The following IRAK4 variants were observed in gnomAD, a reference collection of about 807,000 sequenced individuals.
IRAK4 encodes interleukin 1 receptor associated kinase 4.
A neutral mutation model predicts 51.8 loss-of-function variants in IRAK4; 44 were observed. The observed-to-expected ratio is 0.85, with a 90% CI of 0.67 to 1.09. The LOEUF is 1.09. Among genes scored for constraint, IRAK4 ranks in the 50% least tolerant of loss-of-function variants. IRAK4 has a pLI of 0.00. For missense variants in IRAK4, 487 were observed against 538.0 expected, an observed-to-expected ratio of 0.91 and a Z score of 0.94; for synonymous variants, 149 against 174.1, an observed-to-expected ratio of 0.86 and a Z score of 1.13.
chr12:43,779,041 C>A (rs1385767101), intron 8 of IRAK4, among the ~76,000 whole-genome samples: 1 of 152,058 alleles, frequency 6.6e-6, no homozygotes, highest in Non-Finnish European at 1.5e-5. Context: ...ATAGGAGGAT[C>A]ATTTGAGGCC....
chr12:43,779,261 TA>T (rs906181028), intron 8 of IRAK4, among the ~76,000 whole-genome samples: 14 of 150,728 alleles, frequency 9.3e-5, no homozygotes, highest in Non-Finnish European at 1.9e-4. Context: ...AGACTCTGTC[TA>T]AAAAAAAATG....
intron 1 of IRAK4, among the ~76,000 whole-genome samples, chr12:43,762,841 CTG>C (rs1216857981): frequency 2.0e-5 from 3 of 152,138 alleles, no homozygotes; most frequent in Non-Finnish European, 4.4e-5. Flanking sequence ...ACTTCATTTC[CTG>C]TTTCACAGAA....
intron 2 of IRAK4, among the ~76,000 whole-genome samples, chr12:43,768,767 A>G (rs909872691): frequency 3.3e-5 from 5 of 152,154 alleles, no homozygotes; most frequent in African/African-American, 9.7e-5. Flanking sequence ...CTTAGCTAGG[A>G]TTTCTCAGTG....
At chr12:43,782,189 T>A in intron 8 of IRAK4, 118 bp from the exon 9 acceptor site, 2 of 706,716 alleles carry the variant, frequency 2.8e-6, no homozygotes, top group Non-Finnish European at 5.2e-6. Flanking sequence ...TGTATGTACA[T>A]ATGCATGTAT....
intron 1 of IRAK4, among the ~76,000 whole-genome samples, chr12:43,764,680 C>T (rs1217093299): frequency 2.6e-5 from 4 of 152,142 alleles, no homozygotes; most frequent in Admixed American, 2.0e-4. Flanking sequence ...TAATGATTTC[C>T]AGTTGAAACT....
In IRAK4 at chr12:43,782,305, A is replaced by G. The variant is rs777497218; in HGVS notation, c.942-2A>G. ...TTTCTTCAAACTTTACATTTTTTTC[A>G]GTGCAAATATCTTACTGGATGAAGC... On this transcript the variant is annotated splice_acceptor_variant, in intron 8 of 11. Coordinates refer to ENST00000613694, the MANE Select transcript of IRAK4 (RefSeq NM_016123.4). LOFTEE classifies it high-confidence loss of function. The G allele has an allele frequency of 1.2e-6, 2 of 1,608,594 alleles. No homozygotes were observed. Among genetic ancestry groups the G allele is most frequent in the Non-Finnish European group, 1.7e-6 (2 of 1,175,128 alleles).
At position 43,768,247 on chromosome 12, in the gene IRAK4, G is replaced by A; in HGVS notation, c.136G>A (p.Asp46Asn). Reference protein sequence around the residue: ...AVAIKKPSGDDRYNQFHIRRF... With the variant: ...AVAIKKPSGDNRYNQFHIRRF... ...AGCTATTAAAAAACCATCTGGTGAT[G>A]ATAGATACAATCAGTTTCACATAAG... The change falls in exon 2 of 12, where the codon GAT becomes AAT. Residue 46 changes from aspartate (D) to asparagine (N), a missense_variant. Coordinates refer to ENST00000613694, the MANE Select transcript of IRAK4 (RefSeq NM_016123.4). The A allele has an allele frequency of 6.2e-7, 1 of 1,611,996 alleles. No homozygotes were observed. Among genetic ancestry groups the A allele is most frequent in the Non-Finnish European group, 8.5e-7 (1 of 1,178,556 alleles).
intron 10 of IRAK4, among the ~76,000 whole-genome samples, chr12:43,785,333 G>A (rs1440779172): frequency 1.3e-5 from 2 of 151,564 alleles, no homozygotes; most frequent in African/African-American, 4.9e-5. Context: ...TTTTATCATG[G>A]CCTGCTCCCT....
intron 7 of IRAK4, 149 bp downstream of exon 7, chr12:43,777,893 T>C: frequency 1.4e-6 from 1 of 740,240 alleles, no homozygotes; most frequent in Non-Finnish European, 2.3e-6. Flanking sequence ...CAACAAATTA[T>C]ACAGTTGATA....
chr12:43,782,565 T>A, intron 9 of IRAK4, 75 bp downstream of exon 9: 2 of 1,179,584 alleles, frequency 1.7e-6, no homozygotes, highest in Non-Finnish European at 2.5e-6. Context: ...TATTATTTAA[T>A]ACACCCATCT....
At position 43,782,318 on chromosome 12, in the gene IRAK4, T is replaced by G. The variant is rs1265334986; in HGVS notation, c.953T>G (p.Leu318Ter). 1 of 1,612,778 alleles carries G rather than the reference T, an allele frequency of 6.2e-7. No homozygotes were observed. The highest frequency in any genetic ancestry group is 1.3e-5 in the African/African-American group (1 of 74,892). Residue 318 changes from leucine to a stop codon, truncating the protein, a stop_gained, in exon 9 of 12, where the codon TTA (leucine) becomes TGA (stop). Transcript: ENST00000613694. LOFTEE classifies it high-confidence loss of function. ...TACATTTTTTTCAGTGCAAATATCT[T>G]ACTGGATGAAGCTTTTACTGCTAAA... ...IHRDIKSANI[L>*]LDEAFTAKIS... is the part of the protein sequence containing the mutation.
intron 1 of IRAK4, among the ~76,000 whole-genome samples, chr12:43,762,190 T>C (rs1181457622): frequency 6.6e-6 from 1 of 152,216 alleles, no homozygotes; most frequent in African/African-American, 2.4e-5. Context: ...TATATGAATA[T>C]ACATTTAAAG....
At chr12:43,765,660 G>T (rs1940057732) in intron 1 of IRAK4, among the ~76,000 whole-genome samples, 1 of 151,378 alleles carries the variant, frequency 6.6e-6, no homozygotes, top group Admixed American at 6.6e-5. Context: ...TCCATGCATG[G>T]TTTTTGCACG....
chr12:43,769,644 C>T (rs1461038517), intron 2 of IRAK4, among the ~76,000 whole-genome samples: 1 of 151,994 alleles, frequency 6.6e-6, no homozygotes, highest in African/African-American at 2.4e-5. Flanking sequence ...AGAGCAAGAC[C>T]CCCTCAATAG....
At chr12:43,768,408 C>A (rs1940399968) in intron 2 of IRAK4, 136 bp downstream of exon 2, 1 of 645,346 alleles carries the variant, frequency 1.5e-6, no homozygotes, top group Non-Finnish European at 2.7e-6. Flanking sequence ...TAGTAGGTAA[C>A]CTCTTTTTGA....
At chr12:43,767,465 T>C (rs1940276412) in intron 1 of IRAK4, among the ~76,000 whole-genome samples, 1 of 152,148 alleles carries the variant, frequency 6.6e-6, no homozygotes, top group Non-Finnish European at 1.5e-5. Context: ...AGATTCTGTC[T>C]AGAGAGTAGT....
In IRAK4 at chr12:43,772,958, CT is replaced by C. The variant is rs753106997; in HGVS notation, c.540del (p.Phe180LeufsTer26). 5 of 1,610,798 alleles carry C rather than the reference CT, an allele frequency of 3.1e-6. No individual in the cohort carries two copies. In the East Asian group the frequency reaches 1.1e-4, roughly 36 times the overall value. ...ATGAATTGAAGAATGTCACAAATAA[CT>C]TTGATGAACGACCCATTTCTGTTGG... ...FYELKNVTNN[F>X]DERPISVGGN... On this transcript the variant is annotated frameshift_variant, in exon 5 of 12. Coordinates refer to ENST00000613694, the MANE Select transcript of IRAK4 (RefSeq NM_016123.4). LOFTEE classifies it high-confidence loss of function.
intron 7 of IRAK4, 36 bp from the exon 8 acceptor site, chr12:43,778,155 TTC>T: frequency 8.4e-7 from 1 of 1,191,028 alleles, no homozygotes. Flanking sequence ...TTTTTTATTA[TTC>T]TTTCTCATTT....
chr12:43,767,540 A>G (rs554597730), intron 1 of IRAK4, among the ~76,000 whole-genome samples: 16 of 152,250 alleles, frequency 1.1e-4, no homozygotes, highest in African/African-American at 2.9e-4. Context: ...GATCTCATGG[A>G]CTCAAAAAAT....
Sources: allele counts gnomAD v4.1 joint callset (sites outside exome capture counted in the v4.1 genomes callset), GRCh38; gene constraint gnomAD v4.1.1; transcripts MANE v1.5; gene names NCBI Gene and HGNC (gene_info 2026-07-23, HGNC 2026-07-21).